Variants in HACD2 observed in about 807,000 individuals in gnomAD.
HACD2 encodes the protein very-long-chain (3R)-3-hydroxyacyl-CoA dehydratase 2.
In HACD2, 15 loss-of-function variants were observed where a neutral mutation model predicts 31.0. That is an observed-to-expected ratio of 0.48 (90% CI 0.32 to 0.75). HACD2 has a LOEUF of 0.75. Ranked by LOEUF, HACD2 falls within the 30% of genes least tolerant of loss-of-function variation. The pLI is 0.03. For missense variants in HACD2, 283 were observed against 313.0 expected (o/e 0.90, Z 0.72); for synonymous variants, 115 against 122.2 (o/e 0.94, Z 0.39).
At chr3:123,498,208 T>C (rs2055857552) in intron 6 of HACD2, among the ~76,000 whole-genome samples, 1 of 152,210 alleles carries the variant, frequency 6.6e-6, no homozygotes, top group African/African-American at 2.4e-5. Flanking sequence ...GTCAATGGTT[T>C]GCAGGGAATC....
intron 1 of HACD2, among the ~76,000 whole-genome samples, chr3:123,583,202 TA>T (rs75432054): frequency 0.14 from 20,764 of 151,104 alleles, 1,535 homozygotes; most frequent in East Asian, 0.24. Flanking sequence ...TTAACAGCCT[TA>T]AAAAAAAAGC....
At chr3:123,508,163 T>C (rs899820840) in intron 4 of HACD2, among the ~76,000 whole-genome samples, 1 of 152,138 alleles carries the variant, frequency 6.6e-6, no homozygotes, top group African/African-American at 2.4e-5. Flanking sequence ...TTGCCAAAAA[T>C]GTCATAAAGC....
intron 3 of HACD2, among the ~76,000 whole-genome samples, chr3:123,532,663 C>G (rs1157015555): frequency 6.6e-6 from 1 of 151,922 alleles, no homozygotes; most frequent in Non-Finnish European, 1.5e-5. Context: ...CATGGTGAAA[C>G]CCCGTCTCTA....
In HACD2 at chr3:123,528,373, T is replaced by C. The variant is rs568428688; in HGVS notation, c.381+13A>G. The C allele has an allele frequency of 1.2e-4, 183 of 1,533,812 alleles. 1 individual carries two copies. In the South Asian group the frequency reaches 1.8e-3, roughly 15 times the overall value. On this transcript the variant is annotated intron_variant, in intron 4 of 6. Transcript: ENST00000383657. ...TTAGTGTTGACATTATTTTGGTCTA[T>C]ATAAACACTTACCTCTTTGACGCTA...
At chr3:123,557,840 C>T (rs533821929) in intron 3 of HACD2, among the ~76,000 whole-genome samples, 27 of 152,270 alleles carry the variant, frequency 1.8e-4, no homozygotes, top group African/African-American at 5.1e-4. Context: ...GAAAGCAAAA[C>T]GGTACAGACA....
intron 3 of HACD2, among the ~76,000 whole-genome samples, chr3:123,550,992 T>C (rs942534753): frequency 1.4e-4 from 21 of 152,108 alleles, no homozygotes; most frequent in Admixed American, 2.0e-4. Context: ...AGACTGGTAG[T>C]GTGGGAGAGT....
chr3:123,576,056 TTC>T (rs1359666976), intron 2 of HACD2, among the ~76,000 whole-genome samples: 3 of 152,284 alleles, frequency 2.0e-5, no homozygotes, highest in Admixed American at 6.5e-5. Flanking sequence ...TATATTGTTT[TTC>T]TGTTATAATG....
intron 5 of HACD2, among the ~76,000 whole-genome samples, chr3:123,501,730 T>G (rs372090056): frequency 6.6e-6 from 1 of 152,366 alleles, no homozygotes. Context: ...TAGTAACTGC[T>G]ATGTTTCCCA....
At chr3:123,567,290 T>G (rs2056802245) in intron 3 of HACD2, among the ~76,000 whole-genome samples, 1 of 152,226 alleles carries the variant, frequency 6.6e-6, no homozygotes, top group South Asian at 2.1e-4. Flanking sequence ...AGAAATCCCC[T>G]ACATTTGTAT....
At chr3:123,575,385 G>A (rs1358503909) in intron 2 of HACD2, among the ~76,000 whole-genome samples, 1 of 152,088 alleles carries the variant, frequency 6.6e-6, no homozygotes, top group Non-Finnish European at 1.5e-5. Context: ...CCAAAGTGCT[G>A]GGATTACAGG....
chr3:123,568,470 T>C (rs1576236478), intron 2 of HACD2, among the ~76,000 whole-genome samples: 1 of 152,176 alleles, frequency 6.6e-6, no homozygotes, highest in Non-Finnish European at 1.5e-5. Context: ...GGTTCAACAG[T>C]CCTTCCTTCC....
At chr3:123,499,357 A>G (rs2055875176) in intron 6 of HACD2, 1 of 189,536 alleles carries the variant, frequency 5.3e-6, no homozygotes, top group South Asian at 1.0e-4. Flanking sequence ...CTGTTTGAAA[A>G]TCAACCACTT....
At chr3:123,530,242 T>C (rs1269187042) in intron 3 of HACD2, among the ~76,000 whole-genome samples, 1 of 151,904 alleles carries the variant, frequency 6.6e-6, no homozygotes, top group Non-Finnish European at 1.5e-5. Flanking sequence ...GAACTGAGAA[T>C]TAAAGGATTT....
At chr3:123,507,187 T>A (rs1328217354) in intron 4 of HACD2, among the ~76,000 whole-genome samples, 1 of 152,098 alleles carries the variant, frequency 6.6e-6, no homozygotes, top group Non-Finnish European at 1.5e-5. Flanking sequence ...CCCAGGAATT[T>A]GACGTTAAAG....
At chr3:123,583,455 A>G (rs2056987020) in intron 1 of HACD2, among the ~76,000 whole-genome samples, 1 of 152,188 alleles carries the variant, frequency 6.6e-6, no homozygotes, top group African/African-American at 2.4e-5. Context: ...AATCTATGTG[A>G]CCACTGATGT....
In HACD2 at chr3:123,528,460, A is replaced by G; in HGVS notation, c.307T>C (p.Ser103Pro). The G allele has an allele frequency of 6.2e-7, 1 of 1,609,874 alleles. No individual in the cohort carries two copies. The highest frequency in any genetic ancestry group is 8.5e-7 in the Non-Finnish European group (1 of 1,176,244). The change falls in exon 4 of 7, where the codon TCT becomes CCT. Residue 103 changes from serine (S) to proline (P), a missense_variant. Ser to Pro is a moderately conservative substitution (Grantham distance 74). Transcript: ENST00000383657. ...LHCAIGIVPS[S>P]VVLTSFQVMS... The stretch of plus-strand genomic sequence containing the variant: ...ACCTGGAAAGAAGTCAGGACAACAG[A>G]AGATGGAACAATTCCTGAAAGAAAT...
intron 6 of HACD2, among the ~76,000 whole-genome samples, chr3:123,496,629 G>A (rs1241323348): frequency 2.0e-5 from 3 of 152,188 alleles, no homozygotes; most frequent in African/African-American, 7.2e-5. Flanking sequence ...TGGCACGAAA[G>A]CCAGAAAATC....
intron 2 of HACD2, among the ~76,000 whole-genome samples, chr3:123,577,938 T>C (rs936981450): frequency 2.6e-5 from 4 of 152,224 alleles, no homozygotes; most frequent in African/African-American, 7.2e-5. Context: ...TAGTGGTTTT[T>C]AATATGTTCA....
chr3:123,568,145 C>G (rs370682689), intron 2 of HACD2, among the ~76,000 whole-genome samples: 20 of 152,196 alleles, frequency 1.3e-4, no homozygotes, highest in Non-Finnish European at 5.9e-5. Flanking sequence ...AGAACCACCA[C>G]GGACTCCGGA....
Sources: gnomAD v4.1 joint callset for allele counts (sites outside exome capture counted in the v4.1 genomes callset) on GRCh38, gnomAD v4.1.1 for gene constraint, MANE v1.5 for transcripts, NCBI Gene and HGNC (gene_info 2026-07-23, HGNC 2026-07-21) for gene names.